Variants in CTNND2 observed in about 807,000 individuals in gnomAD.
CTNND2 encodes catenin delta-2.
A neutral mutation model predicts 144.4 loss-of-function variants in CTNND2; 22 were observed. The ratio of observed to expected loss-of-function variants is 0.15; its 90% CI spans 0.11 to 0.22. The LOEUF (loss-of-function observed/expected upper bound fraction) is 0.22, where lower values mean the gene tolerates loss of function less well. CTNND2 is among the 10% of genes least tolerant of loss of function. The probability of loss-of-function intolerance (pLI) is 1.00; values close to 1 mark genes in which losing one functional copy is unlikely to be tolerated. For missense variants in CTNND2, 1,353 were observed against 1,618.8 expected (o/e 0.84, Z 2.82); for synonymous variants, 751 against 695.6 (o/e 1.08, Z -1.25).
intron 2 of CTNND2, among the ~76,000 whole-genome samples, chr5:11,697,503 C>G (rs913720184): frequency 6.6e-6 from 1 of 152,148 alleles, no homozygotes; most frequent in African/African-American, 2.4e-5. Context: ...AAGTCAGTAA[C>G]AGTATACTGT....
chr5:11,746,605 T>C (rs1788330934), intron 1 of CTNND2, among the ~76,000 whole-genome samples: 1 of 152,154 alleles, frequency 6.6e-6, no homozygotes, highest in Non-Finnish European at 1.5e-5. Flanking sequence ...ACTAAATCAA[T>C]GATATACTCA....
intron 1 of CTNND2, among the ~76,000 whole-genome samples, chr5:11,879,993 T>A (rs1054034092): frequency 6.6e-6 from 1 of 152,250 alleles, no homozygotes; most frequent in Non-Finnish European, 1.5e-5. Context: ...AGATGGAGGA[T>A]CCACTGTCCT....
intron 3 of CTNND2, among the ~76,000 whole-genome samples, chr5:11,472,130 T>C (rs1561443710): frequency 6.6e-6 from 1 of 152,186 alleles, no homozygotes; most frequent in Non-Finnish European, 1.5e-5. Context: ...TAAGTACTTG[T>C]TCATCCTATT....
At chr5:11,022,693 C>T (rs980025434) in intron 17 of CTNND2, 76 bp downstream of exon 17, 1 of 1,064,924 alleles carries the variant, frequency 9.4e-7, no homozygotes, top group Non-Finnish European at 1.5e-6. Flanking sequence ...ATAGTACTAC[C>T]CGTCATCAGG....
At chr5:11,223,576 CT>C (rs1428273606) in intron 10 of CTNND2, among the ~76,000 whole-genome samples, 7 of 152,164 alleles carry the variant, frequency 4.6e-5, no homozygotes, top group African/African-American at 1.7e-4. Flanking sequence ...GAGATTAGCT[CT>C]TCTATCAAGA....
At chr5:11,693,330 T>C (rs899043285) in intron 2 of CTNND2, among the ~76,000 whole-genome samples, 4 of 152,220 alleles carry the variant, frequency 2.6e-5, no homozygotes, top group African/African-American at 7.2e-5. Context: ...TAGTTTGTTA[T>C]AGCAAACCAA....
At chr5:11,415,582 C>A (rs1761874915) in intron 3 of CTNND2, among the ~76,000 whole-genome samples, 1 of 151,938 alleles carries the variant, frequency 6.6e-6, no homozygotes, top group Non-Finnish European at 1.5e-5. Flanking sequence ...CCTCATGCAC[C>A]CCAGCCTAGG....
chr5:11,879,354 T>TACACAC (rs199896756), intron 1 of CTNND2, among the ~76,000 whole-genome samples: 1 of 139,728 alleles, frequency 7.2e-6, no homozygotes, highest in East Asian at 2.2e-4. Flanking sequence ...TATATATATA[T>TACACAC]ATACATATAC....
At chr5:11,336,041 T>A (rs1173285028) in intron 9 of CTNND2, among the ~76,000 whole-genome samples, 1 of 152,036 alleles carries the variant, frequency 6.6e-6, no homozygotes, top group East Asian at 1.9e-4. Context: ...TTGGCCACTA[T>A]TTCATTTGCA....
At chr5:11,603,885 G>C (rs1490423772) in intron 2 of CTNND2, among the ~76,000 whole-genome samples, 1 of 152,144 alleles carries the variant, frequency 6.6e-6, no homozygotes, top group African/African-American at 2.4e-5. Flanking sequence ...TTTGATATCT[G>C]CTTCTCTTTC....
At chr5:11,378,483 T>A (rs922850332) in intron 7 of CTNND2, among the ~76,000 whole-genome samples, 1 of 152,230 alleles carries the variant, frequency 6.6e-6, no homozygotes, top group Non-Finnish European at 1.5e-5. Context: ...GTTGATCATA[T>A]TTTAATTAGT....
chr5:11,362,285 T>C (rs1329619379), intron 8 of CTNND2, among the ~76,000 whole-genome samples: 1 of 152,244 alleles, frequency 6.6e-6, no homozygotes, highest in East Asian at 1.9e-4. Context: ...GGTGTTATTC[T>C]AGACAGAATT....
At position 11,365,751 on chromosome 5, in the gene CTNND2, A is replaced by G. The variant is rs536271759; in HGVS notation, c.1178-861T>C. Among the ~76,000 whole-genome samples, 3 of 152,346 alleles carry G rather than the reference A, an allele frequency of 2.0e-5. No individual in the cohort carries two copies. The East Asian group carries it at 5.8e-4, about 29-fold the overall frequency. On this transcript the variant is annotated intron_variant, in intron 7 of 21. Transcript: ENST00000304623. ...GTGAGGGTGAAGAGGCTGGCTTGACAGACAGGAAAGAGGACGTTGATTGAG... is the reference window on the plus strand; with the variant it reads ...GTGAGGGTGAAGAGGCTGGCTTGACGGACAGGAAAGAGGACGTTGATTGAG...
chr5:11,442,885 A>C (rs927093593), intron 3 of CTNND2, among the ~76,000 whole-genome samples: 1 of 147,134 alleles, frequency 6.8e-6, no homozygotes, highest in Non-Finnish European at 1.5e-5. Context: ...AATATTATAT[A>C]TATTTATTAT....
intron 3 of CTNND2, among the ~76,000 whole-genome samples, chr5:11,447,688 C>A (rs61755465): frequency 1.3e-5 from 2 of 152,168 alleles, no homozygotes; most frequent in East Asian, 3.9e-4. Flanking sequence ...TCCCTGAGGG[C>A]GGATGGGGGC....
At chr5:11,742,580 C>T (rs1205167525) in intron 1 of CTNND2, among the ~76,000 whole-genome samples, 1 of 152,154 alleles carries the variant, frequency 6.6e-6, no homozygotes, top group Admixed American at 6.5e-5. Flanking sequence ...TTTGGCTTTA[C>T]TTCCATCATC....
intron 1 of CTNND2, among the ~76,000 whole-genome samples, chr5:11,896,367 CA>C (rs1262214025): frequency 6.6e-6 from 1 of 152,104 alleles, no homozygotes; most frequent in African/African-American, 2.4e-5. Context: ...GGCTTGCAAC[CA>C]TGCATGAATT....
intron 7 of CTNND2, 26 bp from the exon 8 acceptor site, chr5:11,364,916 C>A: frequency 1.3e-6 from 2 of 1,589,804 alleles, no homozygotes; most frequent in South Asian, 1.1e-5. Context: ...AGAGGGACAT[C>A]AAAGCTCAGG....
At chr5:11,225,546 C>G (rs1040406857) in intron 10 of CTNND2, among the ~76,000 whole-genome samples, 4 of 152,120 alleles carry the variant, frequency 2.6e-5, no homozygotes, top group Non-Finnish European at 5.9e-5. Flanking sequence ...TCATAGATTC[C>G]ACAACCTGGT....
Sources: gnomAD v4.1 joint callset for allele counts (sites outside exome capture counted in the v4.1 genomes callset) on GRCh38, gnomAD v4.1.1 for gene constraint, MANE v1.5 for transcripts, NCBI Gene and HGNC (gene_info 2026-07-23, HGNC 2026-07-21) for gene names.